The following ZNF331 variants were observed in gnomAD, a reference collection of about 807,000 sequenced individuals.
The protein encoded by ZNF331 is zinc finger protein 331, also known as C2H2-like zinc finger protein rearranged in thyroid adenomas.
Under a neutral mutation model 7.0 loss-of-function variants are expected in ZNF331, and 2 were observed. The ratio of observed to expected loss-of-function variants is 0.29; its 90% CI spans 0.12 to 0.90. The LOEUF is 0.90. Ranked by LOEUF, ZNF331 falls within the 40% of genes least tolerant of loss-of-function variation. The probability of loss-of-function intolerance (pLI) is 0.58; values close to 1 mark genes in which losing one functional copy is unlikely to be tolerated. For missense variants in ZNF331, 432 were observed against 587.7 expected, an observed-to-expected ratio of 0.74 and a Z score of 2.74; for synonymous variants, 196 against 205.4, an observed-to-expected ratio of 0.95 and a Z score of 0.39.
At chr19:53,545,090 G>C (rs2088503985) in intron 2 of ZNF331, among the ~76,000 whole-genome samples, 1 of 152,108 alleles carries the variant, frequency 6.6e-6, no homozygotes, top group Non-Finnish European at 1.5e-5. Flanking sequence ...GGATCTCTCT[G>C]TATTATTATT....
intron 2 of ZNF331, among the ~76,000 whole-genome samples, chr19:53,547,582 G>T (rs1207257175): frequency 6.6e-6 from 1 of 152,128 alleles, no homozygotes; most frequent in African/African-American, 2.4e-5. Context: ...GATAGTTTTA[G>T]TTTTTTCAGG....
chr19:53,543,098 C>T (rs191534195), intron 2 of ZNF331, among the ~76,000 whole-genome samples: 8 of 152,160 alleles, frequency 5.3e-5, no homozygotes, highest in South Asian at 2.1e-4. Context: ...CATGAGCCAC[C>T]GCGCCCAGTG....
At chr19:53,570,385 T>G (rs1023665395) in intron 4 of ZNF331, among the ~76,000 whole-genome samples, 2 of 152,126 alleles carry the variant, frequency 1.3e-5, no homozygotes, top group South Asian at 2.1e-4. Context: ...GCCTTAGGTG[T>G]TTTGGGCAAC....
chr19:53,512,778 C>T, the ZNF331 span: 1 of 149,762 alleles, frequency 6.7e-6, no homozygotes, highest in Admixed American at 6.7e-5. Flanking sequence ...AGAGGAGTGC[C>T]AACCCTACTG....
chr19:53,574,265 C>T (rs1020698229), intron 5 of ZNF331, among the ~76,000 whole-genome samples: 10 of 151,628 alleles, frequency 6.6e-5, no homozygotes, highest in African/African-American at 2.2e-4. Flanking sequence ...AGGGAAAGAG[C>T]CTTGATGGTT....
chr19:53,562,933 A>G (rs550912767), intron 3 of ZNF331, among the ~76,000 whole-genome samples: 1 of 151,454 alleles, frequency 6.6e-6, no homozygotes, highest in Non-Finnish European at 1.5e-5. Context: ...GGTTGCAGTG[A>G]GTCGAGATTG....
intron 2 of ZNF331, among the ~76,000 whole-genome samples, chr19:53,524,282 T>A (rs6509783): frequency 0.34 from 52,425 of 152,024 alleles, 9,765 homozygotes; most frequent in African/African-American, 0.49. Flanking sequence ...TATACCCAGT[T>A]ATGGGATTGC....
intron 2 of ZNF331, among the ~76,000 whole-genome samples, chr19:53,527,487 C>A (rs77671743): frequency 0.096 from 14,586 of 152,114 alleles, 836 homozygotes; most frequent in East Asian, 0.18. Context: ...AATGTAATCA[C>A]AGGGTATTAG....
At position 53,577,962 on chromosome 19, in the gene ZNF331, T is replaced by C; in HGVS notation, c.*10T>C. The C allele has an allele frequency of 6.2e-7, 1 of 1,604,970 alleles. No homozygotes were observed. The highest frequency in any genetic ancestry group is 2.2e-5 in the East Asian group (1 of 44,678). ...GATCCACAACAGTTGAAGAGCCTTT[T>C]GAACGCAGTAGCCCGCTCGTATCTA... On this transcript the variant is annotated 3_prime_UTR_variant, in exon 6 of 6. Transcript: ENST00000449416.
At position 53,577,817 on chromosome 19, in the gene ZNF331, C is replaced by G; in HGVS notation, c.1257C>G (p.Ser419Arg). 1 of 1,614,026 alleles carries G rather than the reference C, an allele frequency of 6.2e-7. No individual in the cohort carries two copies. The highest frequency in any genetic ancestry group is 8.5e-7 in the Non-Finnish European group (1 of 1,180,032). Residue 419 changes from serine (S) to arginine (R), a missense_variant, in exon 6 of 6, where the codon AGC (serine) becomes AGG (arginine). Ser to Arg is a moderately radical substitution (Grantham distance 110). Transcript: ENST00000449416. ...ATGGGTGTACAGAATGTGGGAAGAG[C>G]TTTAGTCACGGCCATCAGCTTACAC... ...KPYGCTECGK[S>R]FSHGHQLTQH...
chr19:53,544,329 A>G (rs1186011174), intron 2 of ZNF331, among the ~76,000 whole-genome samples: 1 of 151,406 alleles, frequency 6.6e-6, no homozygotes, highest in Non-Finnish European at 1.5e-5. Context: ...GCGGATCACG[A>G]GGTCAGGAGA....
At position 53,540,515 on chromosome 19, in the gene ZNF331, C is replaced by T. The variant is rs565346643; in HGVS notation, c.-138+1233C>T. On this transcript the variant is annotated intron_variant, in intron 2 of 5. Transcript: ENST00000449416. ...TGGCACAATCTTGGCTCACTGCAAC[C>T]TCCACCTCCCAGATTCAAGTGATTC... is the stretch of plus-strand genomic sequence containing the variant. Among the ~76,000 whole-genome samples the T allele has an allele frequency of 3.3e-5, 5 of 152,274 alleles. No individual in the cohort carries two copies. In the South Asian group the frequency reaches 1.0e-3, roughly 32 times the overall value.
At chr19:53,518,460 C>T (rs1683272067), upstream of ZNF331, among the ~76,000 whole-genome samples, 1 of 152,172 alleles carries the variant, frequency 6.6e-6, no homozygotes, top group Non-Finnish European at 1.5e-5. Flanking sequence ...CCAATTCTCC[C>T]TAATAAACTT....
the ZNF331 span, among the ~76,000 whole-genome samples, chr19:53,505,195 C>T: frequency 6.6e-6 from 1 of 152,158 alleles, no homozygotes; most frequent in Non-Finnish European, 1.5e-5. Context: ...TCCCTCCACC[C>T]ACACCGCACT....
intron 2 of ZNF331, among the ~76,000 whole-genome samples, chr19:53,526,497 A>G (rs1010505225): frequency 1.3e-5 from 2 of 152,054 alleles, no homozygotes; most frequent in Non-Finnish European, 2.9e-5. Context: ...TAGATTATAT[A>G]TTACTAGGAA....
the ZNF331 span, among the ~76,000 whole-genome samples, chr19:53,513,747 G>C: frequency 1.3e-5 from 2 of 152,210 alleles, no homozygotes; most frequent in South Asian, 4.1e-4. Flanking sequence ...CGCCTTCCGG[G>C]GAGGCGTGAT....
chr19:53,536,633 C>T (rs1018589974), upstream of ZNF331, among the ~76,000 whole-genome samples: 3 of 152,236 alleles, frequency 2.0e-5, no homozygotes, highest in Admixed American at 6.5e-5. Context: ...GGTGTGGTGG[C>T]TCACGCCTGT....
chr19:53,569,295 C>A lies in ZNF331; in HGVS notation c.-73-9C>A, dbSNP rs576140776. 1.3e-6 allele frequency: 2 copies of A among 1,513,942 alleles called. No homozygotes were observed. The highest frequency in any genetic ancestry group is 9.1e-7 in the Non-Finnish European group (1 of 1,099,204). The allele number at this position is 1,513,942 out of a possible 1,614,324, so 93.8% of individuals were successfully genotyped here. On this transcript the variant is annotated splice_polypyrimidine_tract_variant and intron_variant, in intron 3 of 5. Coordinates refer to ENST00000449416, the MANE Select transcript of ZNF331 (RefSeq NM_001079906.2). Reference sequence around the variant, plus strand: ...CACCTCGTTTTAATCTCTTTTTTTCCACCCCTAGCTCTAGCCTCTCGGAAT... The same window carrying A: ...CACCTCGTTTTAATCTCTTTTTTTCAACCCCTAGCTCTAGCCTCTCGGAAT...
chr19:53,529,219 G>A (rs868237316), intron 2 of ZNF331, among the ~76,000 whole-genome samples: 1 of 152,016 alleles, frequency 6.6e-6, no homozygotes, highest in Non-Finnish European at 1.5e-5. Flanking sequence ...GGCTAACACG[G>A]TGAAACCCCG....
Sources: allele counts gnomAD v4.1 joint callset (sites outside exome capture counted in the v4.1 genomes callset), GRCh38; gene constraint gnomAD v4.1.1; transcripts MANE v1.5; gene names NCBI Gene and HGNC (gene_info 2026-07-23, HGNC 2026-07-21).